SEMG2: variants seen among roughly 807,000 people sequenced by gnomAD.
SEMG2 encodes the protein semenogelin 2, also known as semenogelin-2.
SEMG2 carries 3 observed loss-of-function variants against 8.1 expected under a neutral mutation model. The observed-to-expected ratio is 0.37, with a 90% CI of 0.17 to 0.96. The LOEUF is 0.96. SEMG2 is among the 40% of genes least tolerant of loss of function. The pLI is 0.41. For synonymous variants in SEMG2, 252 were observed against 231.4 expected (o/e 1.09, Z -0.81); for missense variants, 726 against 671.2 (o/e 1.08, Z -0.90).
At position 45,222,648 on chromosome 20, in the gene SEMG2, A is replaced by C. The variant is rs148747540; in HGVS notation, c.1016A>C (p.His339Pro). The C allele has an allele frequency of 6.2e-7, 1 of 1,613,914 alleles. No individual in the cohort carries two copies. Among genetic ancestry groups the C allele is most frequent in the Admixed American group, 1.7e-5 (1 of 60,004 alleles). ...ACAATTCATAGTCAAGATCAAGAGC[A>C]TGGCCATAAGGAAAATAAAATATCA... ...QVTIHSQDQE[H>P]GHKENKISYQ... Residue 339 changes from histidine (H) to proline (P), a missense_variant, in exon 2 of 3, where the codon CAT (histidine) becomes CCT (proline). Coordinates refer to ENST00000372769, the MANE Select transcript of SEMG2 (RefSeq NM_003008.3).
chr20:45,222,585 C>A lies in SEMG2; in HGVS notation c.953C>A (p.Thr318Asn). The change falls in exon 2 of 3, where the codon ACT becomes AAT. Residue 318 changes from threonine to asparagine, a missense_variant. Coordinates refer to ENST00000372769, the MANE Select transcript of SEMG2 (RefSeq NM_003008.3). ...TCCAAAGGCAGCATTTCTATCCAAA[C>A]TGAAGAGAAAATACATGGCAAGTCT... is the stretch of plus-strand genomic sequence containing the variant. ...DVSKGSISIQ[T>N]EEKIHGKSQN... is the part of the protein sequence containing the mutation. The A allele has an allele frequency of 6.2e-7, 1 of 1,614,062 alleles. No homozygotes were observed. The highest frequency in any genetic ancestry group is 1.1e-5 in the South Asian group (1 of 91,068).
Position 45,222,508 on chromosome 20 carries a change from T to A in SEMG2, c.876T>A (p.Arg292=), listed in dbSNP as rs1933210541. Residue 292 remains arginine, a synonymous_variant, in exon 2 of 3, where the codon CGT becomes CGA. Transcript: ENST00000372769. ...KAHKISYPSS[R]TEERQLHHGE... ...ATAAAATATCATACCCGTCTTCACG[T>A]ACAGAAGAAAGACAACTTCACCATG... The A allele has an allele frequency of 1.2e-6, 2 of 1,613,964 alleles. No individual in the cohort carries two copies. Among genetic ancestry groups the A allele is most frequent in the African/African-American group, 2.7e-5 (2 of 75,002 alleles).
At chr20:45,224,030 C>T (rs930544567) in intron 2 of SEMG2, among the ~76,000 whole-genome samples, 1 of 152,176 alleles carries the variant, frequency 6.6e-6, no homozygotes, top group Non-Finnish European at 1.5e-5. Flanking sequence ...GCTAACTGGA[C>T]ACTTGCAATG....
At position 45,221,958 on chromosome 20, in the gene SEMG2, A is replaced by G. The variant is rs1465704524; in HGVS notation, c.326A>G (p.Tyr109Cys). ...GGTGGAAGTCAACAACTGCTCAATT[A>G]TAAACAAGAAGGCAGAGACCATGAT... ...HLGGSQQLLN[Y>C]KQEGRDHDKS... The change falls in exon 2 of 3, where the codon TAT becomes TGT. Residue 109 changes from tyrosine (Y) to cysteine (C), a missense_variant. By Grantham distance (194) the Tyr-to-Cys change is radical. Coordinates refer to ENST00000372769, the MANE Select transcript of SEMG2 (RefSeq NM_003008.3). 1 of 1,613,782 alleles carries G rather than the reference A, an allele frequency of 6.2e-7. No homozygotes were observed. Among genetic ancestry groups the G allele is most frequent in the East Asian group, 2.2e-5 (1 of 44,876 alleles).
intron 2 of SEMG2, among the ~76,000 whole-genome samples, chr20:45,223,825 C>A (rs73907865): frequency 0.065 from 9,815 of 152,168 alleles, 531 homozygotes; most frequent in Admixed American, 0.17. Flanking sequence ...TTAATATTTT[C>A]TTTCTGCACA....
chr20:45,221,929 C>T lies in SEMG2; in HGVS notation c.297C>T (p.His99=), dbSNP rs1279579601. The T allele has an allele frequency of 6.2e-7, 1 of 1,613,186 alleles. No individual in the cohort carries two copies. The highest frequency in any genetic ancestry group is 1.1e-5 in the South Asian group (1 of 90,714). Reference sequence around the variant, plus strand: ...ATAAGGCGACAAAATCAAAACAACACCTAGGTGGAAGTCAACAACTGCTCA... The same window carrying T: ...ATAAGGCGACAAAATCAAAACAACATCTAGGTGGAAGTCAACAACTGCTCA... ...ALHKATKSKQ[H]LGGSQQLLNY... The change falls in exon 2 of 3, where the codon CAC becomes CAT. Residue 99 remains histidine, a synonymous_variant. Coordinates refer to ENST00000372769, the MANE Select transcript of SEMG2 (RefSeq NM_003008.3).
Position 45,222,645 on chromosome 20 carries a change from A to G in SEMG2, c.1013A>G (p.Glu338Gly). 1.2e-6 allele frequency: 2 copies of G among 1,614,068 alleles called. No homozygotes were observed. Among genetic ancestry groups the G allele is most frequent in the Non-Finnish European group, 1.7e-6 (2 of 1,179,950 alleles). Residue 338 changes from glutamate (E) to glycine (G), a missense_variant, in exon 2 of 3, where the codon GAG (glutamate) becomes GGG (glycine). Physicochemically the swap from Glu to Gly is moderately conservative, Grantham distance 98. Coordinates refer to ENST00000372769, the MANE Select transcript of SEMG2 (RefSeq NM_003008.3). The part of the protein sequence containing the change: ...NQVTIHSQDQ[E>G]HGHKENKISY... ...GTAACAATTCATAGTCAAGATCAAG[A>G]GCATGGCCATAAGGAAAATAAAATA... is the stretch of plus-strand genomic sequence containing the variant.
At position 45,222,914 on chromosome 20, in the gene SEMG2, G is replaced by A. The variant is rs1363477538; in HGVS notation, c.1282G>A (p.Gly428Ser). The A allele has an allele frequency of 2.5e-6, 4 of 1,612,920 alleles. No homozygotes were observed. In the South Asian group the frequency reaches 4.4e-5, roughly 18 times the overall value. The change falls in exon 2 of 3, where the codon GGT becomes AGT. Residue 428 changes from glycine (G) to serine (S), a missense_variant. Physicochemically the swap from Gly to Ser is moderately conservative, Grantham distance 56. Transcript: ENST00000372769. ...CAGTGGAGAAAAGGATGTACAGAAA[G>A]GTGTATCCAAAGGCAGTATTTCTAT... is the stretch of plus-strand genomic sequence containing the variant. ...LNSGEKDVQK[G>S]VSKGSISIQT...
At position 45,224,436 on chromosome 20, in the gene SEMG2, T is replaced by A. The variant is rs1400263271; in HGVS notation, c.*190T>A. On this transcript the variant is annotated 3_prime_UTR_variant, in exon 3 of 3. Transcript: ENST00000372769. The stretch of plus-strand genomic sequence containing the variant: ...ACCCGGAGCCCCTTCAAACTTCCAA[T>A]AAAGGGATCATTTTCTGCTTTATCT... 1.3e-5 allele frequency: 2 copies of A among 152,162 alleles called. No individual in the cohort carries two copies. Among genetic ancestry groups the A allele is most frequent in the Non-Finnish European group, 2.9e-5 (2 of 68,034 alleles). The allele number at this position is 152,162 out of a possible 1,614,324, so 9.4% of individuals were successfully genotyped here. A position where few individuals can be genotyped will look rare whatever the true frequency, so the allele number is the denominator to read the frequency against.
At position 45,221,699 on chromosome 20, in the gene SEMG2, CAATT is replaced by C. The variant is rs1328482129; in HGVS notation, c.77-8_77-5del. 6.3e-7 allele frequency: 1 copy of C among 1,588,034 alleles called. No individual in the cohort carries two copies. Among genetic ancestry groups the C allele is most frequent in the Non-Finnish European group, 8.6e-7 (1 of 1,166,450 alleles). The stretch of plus-strand genomic sequence containing the variant: ...TAATGAATGCATACATTTCTATTAT[CAATT>C]ACCAGGTGGATCAAAAGGCCAATTG... On this transcript the variant is annotated splice_polypyrimidine_tract_variant and splice_region_variant and intron_variant, in intron 1 of 2. Coordinates refer to ENST00000372769, the MANE Select transcript of SEMG2 (RefSeq NM_003008.3).
At chr20:45,223,558 C>A (rs1444695621) in intron 2 of SEMG2, 133 bp downstream of exon 2, 2 of 504,964 alleles carry the variant, frequency 4.0e-6, no homozygotes, top group Non-Finnish European at 6.9e-6. Context: ...GGAAGATGAA[C>A]ACCATTTCCT....
Position 45,223,027 on chromosome 20 carries a change from A to G in SEMG2, c.1395A>G (p.Lys465=), listed in dbSNP as rs776208229. 6.2e-7 allele frequency: 1 copy of G among 1,614,214 alleles called. No homozygotes were observed. The highest frequency in any genetic ancestry group is 2.2e-5 in the East Asian group (1 of 44,878). The change falls in exon 2 of 3, where the codon AAA becomes AAG. Residue 465 remains lysine (K), a synonymous_variant. Transcript: ENST00000372769. ...QDQEHGHKEN[K]MSYQSSSTEE... is the part of the protein sequence containing the mutation. ...AAGAGCATGGCCATAAGGAAAATAA[A>G]ATGTCATACCAATCTTCAAGTACAG...
In SEMG2 at chr20:45,222,404, G is replaced by T; in HGVS notation, c.772G>T (p.Asp258Tyr). Residue 258 changes from aspartate to tyrosine, a missense_variant, in exon 2 of 3, where the codon GAT (aspartate) becomes TAT (tyrosine). Asp to Tyr is a radical substitution (Grantham distance 160). Coordinates refer to ENST00000372769, the MANE Select transcript of SEMG2 (RefSeq NM_003008.3). ...HGPKDIFTTQ[D>Y]ELLVYNKNQH... ...ACCCAAAGACATTTTTACTACCCAA[G>T]ATGAGCTCCTAGTATATAACAAGAA... The T allele has an allele frequency of 6.2e-7, 1 of 1,614,110 alleles. No homozygotes were observed. The highest frequency in any genetic ancestry group is 2.2e-5 in the East Asian group (1 of 44,876).
Position 45,221,807 on chromosome 20 carries a change from T to C in SEMG2, c.175T>C (p.Ser59Pro). 1.2e-6 allele frequency: 2 copies of C among 1,614,064 alleles called. No individual in the cohort carries two copies. Among genetic ancestry groups the C allele is most frequent in the Non-Finnish European group, 1.7e-6 (2 of 1,179,990 alleles). The change falls in exon 2 of 3, where the codon TCC (serine) becomes CCC (proline). Residue 59 changes from serine (S) to proline (P), a missense_variant. Coordinates refer to ENST00000372769, the MANE Select transcript of SEMG2 (RefSeq NM_003008.3). Reference protein sequence around the residue: ...FGQKDQQHTKSKGSFSIQHTY... With the variant: ...FGQKDQQHTKPKGSFSIQHTY... Reference sequence around the variant, plus strand: ...ACAAAAAGACCAACAACATACTAAATCCAAAGGCAGTTTTTCTATTCAACA... The same window carrying C: ...ACAAAAAGACCAACAACATACTAAACCCAAAGGCAGTTTTTCTATTCAACA...
At chr20:45,221,607 C>A in intron 1 of SEMG2, 102 bp from the exon 2 acceptor site, 1 of 1,399,586 alleles carries the variant, frequency 7.1e-7, no homozygotes. Context: ...ACGCTGTAGG[C>A]TTTTGGAAAT....
At chr20:45,223,602 C>A (rs6104069) in intron 2 of SEMG2, among the ~76,000 whole-genome samples, 177 bp downstream of exon 2, 45,164 of 151,978 alleles carry the variant, frequency 0.3, 7,757 homozygotes, top group African/African-American at 0.47. Context: ...GCAGGGAAGG[C>A]TGCTTGGACT....
rs372121807 is a variant in SEMG2 at position 45,221,716 on chromosome 20, A to G, written c.84A>G (p.Ser28=). The G allele has an allele frequency of 6.2e-6, 10 of 1,605,782 alleles. No individual in the cohort carries two copies. Among genetic ancestry groups the G allele is most frequent in the Non-Finnish European group, 8.5e-6 (10 of 1,176,918 alleles). ...QAAVMGQKGG[S]KGQLPSGSSQ... is the part of the protein sequence containing the mutation. ...TCTATTATCAATTACCAGGTGGATC[A>G]AAAGGCCAATTGCCAAGCGGATCTT... Residue 28 remains serine (S), a synonymous_variant, in exon 2 of 3, where the codon TCA becomes TCG. Coordinates refer to ENST00000372769, the MANE Select transcript of SEMG2 (RefSeq NM_003008.3).
At position 45,223,238 on chromosome 20, in the gene SEMG2, G is replaced by T; in HGVS notation, c.1606G>T (p.Asp536Tyr). 6.2e-7 allele frequency: 1 copy of T among 1,614,074 alleles called. No homozygotes were observed. The highest frequency in any genetic ancestry group is 8.5e-7 in the Non-Finnish European group (1 of 1,180,006). ...TGGTCAATCTGCAGATAGCAAACAA[G>T]ACCTACTCAGTCATGAACAAAAAGG... ...KSGQSADSKQ[D>Y]LLSHEQKGRY... is the part of the protein sequence containing the mutation. The change falls in exon 2 of 3, where the codon GAC becomes TAC. Residue 536 changes from aspartate (D) to tyrosine (Y), a missense_variant. Physicochemically the swap from Asp to Tyr is radical, Grantham distance 160. Transcript: ENST00000372769.
chr20:45,222,286 G>A lies in SEMG2; in HGVS notation c.654G>A (p.Gly218=), dbSNP rs1426851570. The A allele has an allele frequency of 6.2e-7, 1 of 1,614,040 alleles. No individual in the cohort carries two copies. The highest frequency in any genetic ancestry group is 2.2e-5 in the East Asian group (1 of 44,882). Residue 218 remains glycine, a synonymous_variant, in exon 2 of 3, where the codon GGG becomes GGA. Coordinates refer to ENST00000372769, the MANE Select transcript of SEMG2 (RefSeq NM_003008.3). ...RETKNSHQNK[G]HYQNVVDVRE... ...CTAAAAATTCTCATCAAAATAAAGG[G>A]CATTACCAAAATGTGGTTGACGTGA...
Sources: gnomAD v4.1 joint callset for allele counts (sites outside exome capture counted in the v4.1 genomes callset) on GRCh38, gnomAD v4.1.1 for gene constraint, MANE v1.5 for transcripts, NCBI Gene and HGNC (gene_info 2026-07-23, HGNC 2026-07-21) for gene names.